Variants in ARB2A observed in about 807,000 individuals in gnomAD.
ARB2A encodes the protein ARB2 cotranscriptional regulator A.
chr5:93,824,091 G>A, the ARB2A span: 1 of 1,400,934 alleles, frequency 7.1e-7, no homozygotes, highest in East Asian at 2.7e-5. Context: ...AGAAAGAAAG[G>A]AGAGGGGATA....
At chr5:93,877,558 G>A in the ARB2A span, among the ~76,000 whole-genome samples, 1 of 151,982 alleles carries the variant, frequency 6.6e-6, no homozygotes, top group Non-Finnish European at 1.5e-5. Context: ...AACATATAAA[G>A]CACGCTCAAA....
the ARB2A span, among the ~76,000 whole-genome samples, chr5:94,014,168 G>A: frequency 2.4e-4 from 36 of 152,268 alleles, no homozygotes; most frequent in Middle Eastern, 6.8e-3. Context: ...ATGAGACACC[G>A]AATCAAGAGT....
the ARB2A span, among the ~76,000 whole-genome samples, chr5:93,764,413 A>G: frequency 6.6e-6 from 1 of 152,342 alleles, no homozygotes; most frequent in African/African-American, 2.4e-5. Context: ...AGAGAATACT[A>G]TAAACACCTC....
chr5:93,846,856 G>C, the ARB2A span, among the ~76,000 whole-genome samples: 1 of 152,110 alleles, frequency 6.6e-6, no homozygotes, highest in Admixed American at 6.6e-5. Context: ...GAAAGTTGAA[G>C]TGATGGAAGA....
At chr5:94,042,987 G>A in the ARB2A span, among the ~76,000 whole-genome samples, 12 of 152,006 alleles carry the variant, frequency 7.9e-5, no homozygotes, top group Middle Eastern at 6.8e-3. Flanking sequence ...TTTGTCAATC[G>A]TGTTTTTGAC....
chr5:93,618,525 G>C, the ARB2A span: 9 of 145,246 alleles, frequency 6.2e-5, no homozygotes, highest in South Asian at 1.7e-3. Flanking sequence ...TCCTCATGCA[G>C]GTGGGCTACT....
the ARB2A span, chr5:94,074,495 A>G: frequency 5.3e-6 from 3 of 565,018 alleles, no homozygotes; most frequent in Non-Finnish European, 9.2e-6. Flanking sequence ...AGATGCAGTA[A>G]TAGTTGCTGT....
chr5:94,005,788 C>G, the ARB2A span, among the ~76,000 whole-genome samples: 1 of 152,120 alleles, frequency 6.6e-6, no homozygotes, highest in African/African-American at 2.4e-5. Context: ...AAAGATGTCT[C>G]CATCATTAGC....
the ARB2A span, among the ~76,000 whole-genome samples, chr5:93,729,120 TTC>T: frequency 6.6e-6 from 1 of 152,034 alleles, no homozygotes; most frequent in Non-Finnish European, 1.5e-5. Context: ...CTGTCTGTCT[TTC>T]TCTCTCTCCT....
the ARB2A span, among the ~76,000 whole-genome samples, chr5:93,878,731 T>C: frequency 6.6e-6 from 1 of 152,088 alleles, no homozygotes; most frequent in Admixed American, 6.6e-5. Flanking sequence ...CAAAAATCTA[T>C]CTTTGTCATC....
At chr5:93,864,006 C>A in the ARB2A span, among the ~76,000 whole-genome samples, 1 of 152,144 alleles carries the variant, frequency 6.6e-6, no homozygotes, top group Admixed American at 6.5e-5. Context: ...TGTCATTTAA[C>A]TAATATTTGG....
At chr5:93,934,810 C>T in the ARB2A span, among the ~76,000 whole-genome samples, 1 of 151,902 alleles carries the variant, frequency 6.6e-6, no homozygotes, top group African/African-American at 2.4e-5. Flanking sequence ...TATTGTTGCA[C>T]CTTTGAATTA....
At chr5:93,904,240 G>T in the ARB2A span, among the ~76,000 whole-genome samples, 1 of 151,774 alleles carries the variant, frequency 6.6e-6, no homozygotes, top group East Asian at 1.9e-4. Context: ...TAATAACTAT[G>T]CTCCAAAATT....
the ARB2A span, among the ~76,000 whole-genome samples, chr5:93,838,380 C>G: frequency 6.6e-6 from 1 of 151,952 alleles, no homozygotes; most frequent in East Asian, 1.9e-4. Flanking sequence ...GTATCAATAC[C>G]ATGCTGTTTT....
At chr5:93,683,203 A>T in the ARB2A span, 1 of 1,334,618 alleles carries the variant, frequency 7.5e-7, no homozygotes, top group East Asian at 2.3e-5. Context: ...CATCTTCATC[A>T]TCATCCTCTT....
the ARB2A span, among the ~76,000 whole-genome samples, chr5:94,086,923 A>C: frequency 6.6e-6 from 1 of 152,202 alleles, no homozygotes; most frequent in South Asian, 2.1e-4. Flanking sequence ...TAAAAAAGTT[A>C]ACTGTAAAAC....
the ARB2A span, chr5:93,743,538 T>A: frequency 1.0e-6 from 1 of 985,068 alleles, no homozygotes; most frequent in African/African-American, 1.7e-5. Flanking sequence ...TATACTTACA[T>A]GCTATTTTTT....
chr5:93,825,124 A>T, the ARB2A span, among the ~76,000 whole-genome samples: 5 of 152,210 alleles, frequency 3.3e-5, no homozygotes, highest in Non-Finnish European at 5.9e-5. Context: ...AAAAATGTCC[A>T]TTGAAATATG....
chr5:93,670,596 A>T, the ARB2A span, among the ~76,000 whole-genome samples: 4 of 152,218 alleles, frequency 2.6e-5, no homozygotes, highest in African/African-American at 4.8e-5. Flanking sequence ...TAAGTTTAGG[A>T]AAAAAACAGC....
Sources: gnomAD v4.1 joint callset for allele counts (sites outside exome capture counted in the v4.1 genomes callset) on GRCh38, gnomAD v4.1.1 for gene constraint, MANE v1.5 for transcripts, NCBI Gene and HGNC (gene_info 2026-07-23, HGNC 2026-07-21) for gene names.